The following TBC1D19 variants were observed in gnomAD, a reference collection of about 807,000 sequenced individuals.
TBC1D19 encodes TBC1 domain family member 19.
In TBC1D19, 60 loss-of-function variants were observed where a neutral mutation model predicts 89.0. That is an observed-to-expected ratio of 0.67 (90% CI 0.55 to 0.84). The LOEUF (loss-of-function observed/expected upper bound fraction) is 0.84, where lower values mean the gene tolerates loss of function less well. Ranked by LOEUF, TBC1D19 falls within the 40% of genes least tolerant of loss-of-function variation. TBC1D19 has a pLI of 0.00. For synonymous variants in TBC1D19, 189 were observed against 199.7 expected (o/e 0.95, Z 0.45); for missense variants, 500 against 610.8 (o/e 0.82, Z 1.91).
intron 13 of TBC1D19, among the ~76,000 whole-genome samples, chr4:26,714,512 G>T (rs183971279): frequency 6.6e-6 from 1 of 151,916 alleles, no homozygotes; most frequent in Non-Finnish European, 1.5e-5. Flanking sequence ...CTTCACTTGG[G>T]TTTCAAGACA....
chr4:26,625,393 G>A (rs1210020126), intron 4 of TBC1D19, among the ~76,000 whole-genome samples: 1 of 152,108 alleles, frequency 6.6e-6, no homozygotes, highest in Non-Finnish European at 1.5e-5. Flanking sequence ...GAAGAGTTTT[G>A]CGAAGTTAGC....
the TBC1D19 span, among the ~76,000 whole-genome samples, chr4:26,771,412 T>C: frequency 2.6e-5 from 4 of 152,276 alleles, no homozygotes; most frequent in African/African-American, 9.6e-5. Context: ...TTATTCCTAA[T>C]AGTCAAGATA....
intron 15 of TBC1D19, among the ~76,000 whole-genome samples, chr4:26,723,282 C>G (rs1717090962): frequency 6.6e-6 from 1 of 151,654 alleles, no homozygotes; most frequent in Non-Finnish European, 1.5e-5. Flanking sequence ...TTTTTTAACT[C>G]AAGGCAATAC....
intron 13 of TBC1D19, among the ~76,000 whole-genome samples, chr4:26,704,519 T>G (rs1194974936): frequency 6.6e-6 from 1 of 152,074 alleles, no homozygotes; most frequent in Non-Finnish European, 1.5e-5. Context: ...TTGAATGGAG[T>G]TAAAAAGGTC....
chr4:26,712,969 A>T (rs1305583603), intron 13 of TBC1D19, among the ~76,000 whole-genome samples: 1 of 152,064 alleles, frequency 6.6e-6, no homozygotes, highest in African/African-American at 2.4e-5. Context: ...CTGGTAGCAC[A>T]CAAATTTCAG....
intron 18 of TBC1D19, among the ~76,000 whole-genome samples, chr4:26,746,621 C>G (rs1184318461): frequency 6.6e-6 from 1 of 152,116 alleles, no homozygotes; most frequent in Non-Finnish European, 1.5e-5. Flanking sequence ...TTCCCCTTAT[C>G]TGTGGGAGAT....
chr4:26,710,648 A>G, intron 13 of TBC1D19, among the ~76,000 whole-genome samples: 1 of 152,180 alleles, frequency 6.6e-6, no homozygotes, highest in Middle Eastern at 3.2e-3. Flanking sequence ...AGTCCCACCA[A>G]CAGTGTAAAA....
At chr4:26,584,046 C>T (rs1739250974), upstream of TBC1D19, 2 of 725,698 alleles carry the variant, frequency 2.8e-6, no homozygotes, top group Non-Finnish European at 4.6e-6. Flanking sequence ...GGACACAAGG[C>T]TCGGCAGTTG....
the TBC1D19 span, among the ~76,000 whole-genome samples, chr4:26,837,117 C>T: frequency 8.5e-5 from 13 of 152,202 alleles, no homozygotes; most frequent in African/African-American, 3.1e-4. Flanking sequence ...GAAAATCAAC[C>T]TATTTGGTTA....
chr4:26,799,998 CT>C, the TBC1D19 span, among the ~76,000 whole-genome samples: 1 of 151,962 alleles, frequency 6.6e-6, no homozygotes, highest in African/African-American at 2.4e-5. Context: ...ATTTACATTT[CT>C]TTTTTTAAAT....
At chr4:26,852,021 C>G in the TBC1D19 span, among the ~76,000 whole-genome samples, 87 of 152,126 alleles carry the variant, frequency 5.7e-4, no homozygotes, top group African/African-American at 2.0e-3. Context: ...TGGGCTTTTC[C>G]TCTGAATTCC....
At chr4:26,720,259 A>G in intron 15 of TBC1D19, 134 bp downstream of exon 15, 1 of 628,994 alleles carries the variant, frequency 1.6e-6, no homozygotes, top group Non-Finnish European at 2.5e-6. Flanking sequence ...AGAATGTATA[A>G]TTTAATGAAA....
At chr4:26,681,999 T>G (rs1342837310) in intron 11 of TBC1D19, among the ~76,000 whole-genome samples, 1 of 152,184 alleles carries the variant, frequency 6.6e-6, no homozygotes, top group Non-Finnish European at 1.5e-5. Flanking sequence ...ATATTAATTA[T>G]TTTGGGACAG....
At chr4:26,692,956 A>G (rs1426638778) in intron 13 of TBC1D19, among the ~76,000 whole-genome samples, 1 of 152,082 alleles carries the variant, frequency 6.6e-6, no homozygotes, top group African/African-American at 2.4e-5. Context: ...GATCAGGGGA[A>G]GAGACAAAGA....
chr4:26,775,316 T>C, the TBC1D19 span, among the ~76,000 whole-genome samples: 1 of 152,052 alleles, frequency 6.6e-6, no homozygotes, highest in Non-Finnish European at 1.5e-5. Context: ...TAACCAGATA[T>C]AGTGGCACAC....
the TBC1D19 span, among the ~76,000 whole-genome samples, chr4:26,775,240 C>A: frequency 6.6e-6 from 1 of 152,090 alleles, no homozygotes; most frequent in Admixed American, 6.6e-5. Flanking sequence ...ACACTTGAGC[C>A]CAGGAGTTTG....
At chr4:26,739,795 C>T in intron 16 of TBC1D19, 69 bp from the exon 17 acceptor site, 2 of 860,762 alleles carry the variant, frequency 2.3e-6, no homozygotes, top group Non-Finnish European at 3.4e-6. Flanking sequence ...TTTATTATGA[C>T]ATATTTTATA....
At chr4:26,786,272 G>A in the TBC1D19 span, among the ~76,000 whole-genome samples, 87 of 152,232 alleles carry the variant, frequency 5.7e-4, 2 homozygotes, top group South Asian at 2.9e-3. Flanking sequence ...ATTCAATGTC[G>A]CCAAAGTGCT....
the TBC1D19 span, among the ~76,000 whole-genome samples, chr4:26,844,357 C>T: frequency 6.6e-6 from 1 of 152,134 alleles, no homozygotes; most frequent in East Asian, 1.9e-4. Flanking sequence ...AATTTTAGAT[C>T]GTCAAATAAA....
Sources: allele counts gnomAD v4.1 joint callset (sites outside exome capture counted in the v4.1 genomes callset), GRCh38; gene constraint gnomAD v4.1.1; transcripts MANE v1.5; gene names NCBI Gene and HGNC (gene_info 2026-07-23, HGNC 2026-07-21).